Variants in PDE4D observed in about 807,000 individuals in gnomAD.
PDE4D encodes 3',5'-cyclic-AMP phosphodiesterase 4D.
Under a neutral mutation model 87.4 loss-of-function variants are expected in PDE4D, and 24 were observed. That is an observed-to-expected ratio of 0.27 (90% CI 0.20 to 0.39). The LOEUF (loss-of-function observed/expected upper bound fraction) is 0.39, where lower values mean the gene tolerates loss of function less well. Ranked by LOEUF, PDE4D falls within the 10% of genes least tolerant of loss-of-function variation. The probability of loss-of-function intolerance (pLI) is 1.00; values close to 1 mark genes in which losing one functional copy is unlikely to be tolerated. For synonymous variants in PDE4D, 384 were observed against 383.2 expected (o/e 1.00, Z -0.02); for missense variants, 714 against 1,041.0 (o/e 0.69, Z 4.32).
At chr5:59,509,652 T>G (rs1478315902) in intron 1 of PDE4D, among the ~76,000 whole-genome samples, 4 of 151,022 alleles carry the variant, frequency 2.6e-5, no homozygotes, top group African/African-American at 9.7e-5. Context: ...TTAGGGTTAT[T>G]ATTAAAATAA....
chr5:59,979,486 C>T (rs551875064), intron 3 of PDE4D, among the ~76,000 whole-genome samples: 6 of 148,996 alleles, frequency 4.0e-5, no homozygotes, highest in African/African-American at 1.2e-4. Flanking sequence ...TTAGGAATTA[C>T]GTCATGGTAA....
At chr5:59,911,561 C>G (rs1370685321) in intron 3 of PDE4D, among the ~76,000 whole-genome samples, 2 of 152,258 alleles carry the variant, frequency 1.3e-5, no homozygotes, top group African/African-American at 4.8e-5. Flanking sequence ...GCAGGCTCTG[C>G]GTGAATTAAA....
At chr5:59,639,924 G>C (rs1741280294) in intron 1 of PDE4D, among the ~76,000 whole-genome samples, 1 of 148,452 alleles carries the variant, frequency 6.7e-6, no homozygotes, top group African/African-American at 2.5e-5. Flanking sequence ...ATGTACATTT[G>C]ATGTAACAGT....
At chr5:58,978,726 G>A (rs1282321477) in intron 11 of PDE4D, among the ~76,000 whole-genome samples, 3 of 152,030 alleles carry the variant, frequency 2.0e-5, no homozygotes, top group Non-Finnish European at 4.4e-5. Flanking sequence ...TAGGGAGTAG[G>A]TTTGTACAGT....
At chr5:59,374,686 C>T (rs778133268) in intron 1 of PDE4D, among the ~76,000 whole-genome samples, 5 of 152,172 alleles carry the variant, frequency 3.3e-5, no homozygotes, top group Admixed American at 3.3e-4. Flanking sequence ...TGATAGATAT[C>T]TACAGAAGTC....
intron 1 of PDE4D, among the ~76,000 whole-genome samples, chr5:59,613,005 A>G (rs796849563): frequency 1.3e-5 from 2 of 152,316 alleles, no homozygotes; most frequent in African/African-American, 4.8e-5. Context: ...TGAGCAAAGA[A>G]GTGACCTAAT....
intron 1 of PDE4D, among the ~76,000 whole-genome samples, chr5:59,623,679 C>A (rs938727008): frequency 2.0e-5 from 3 of 152,262 alleles, no homozygotes; most frequent in East Asian, 1.9e-4. Context: ...TACCCACCGC[C>A]TTCTGTACCT....
At chr5:60,329,040 T>C (rs1562329080) in intron 1 of PDE4D, among the ~76,000 whole-genome samples, 1 of 152,234 alleles carries the variant, frequency 6.6e-6, no homozygotes, top group South Asian at 2.1e-4. Flanking sequence ...TCTCTCTTTG[T>C]TCAACCAAGT....
At chr5:60,342,412 C>T (rs1171165871) in intron 1 of PDE4D, among the ~76,000 whole-genome samples, 2 of 152,154 alleles carry the variant, frequency 1.3e-5, no homozygotes, top group African/African-American at 4.8e-5. Flanking sequence ...AGGTTTATAA[C>T]CTCTGCGTCA....
intron 1 of PDE4D, among the ~76,000 whole-genome samples, chr5:59,642,387 G>A (rs1278078385): frequency 1.3e-5 from 2 of 151,730 alleles, no homozygotes; most frequent in South Asian, 2.1e-4. Flanking sequence ...ACACTGATAC[G>A]GTTTGACTCT....
At chr5:59,648,020 A>G (rs1173373933) in intron 1 of PDE4D, among the ~76,000 whole-genome samples, 1 of 152,208 alleles carries the variant, frequency 6.6e-6, no homozygotes, top group African/African-American at 2.4e-5. Context: ...GTGATTATGT[A>G]TATATCCAGA....
At chr5:59,153,391 G>A (rs775533169) in intron 5 of PDE4D, among the ~76,000 whole-genome samples, 2 of 152,134 alleles carry the variant, frequency 1.3e-5, no homozygotes, top group African/African-American at 4.8e-5. Context: ...TATAGCAATG[G>A]TATCGCTTCT....
intron 2 of PDE4D, among the ~76,000 whole-genome samples, chr5:60,053,435 T>C (rs1340418663): frequency 6.6e-6 from 1 of 152,058 alleles, no homozygotes; most frequent in Non-Finnish European, 1.5e-5. Flanking sequence ...AAACAAGCAA[T>C]GGGGAAAGGA....
intron 1 of PDE4D, among the ~76,000 whole-genome samples, chr5:59,668,729 G>T (rs1266489630): frequency 3.0e-5 from 3 of 98,862 alleles, no homozygotes. Context: ...AAAAGAAGAA[G>T]AAGAAGAAAG....
intron 4 of PDE4D, among the ~76,000 whole-genome samples, chr5:59,184,825 G>C (rs1414112619): frequency 6.6e-6 from 1 of 152,062 alleles, no homozygotes; most frequent in East Asian, 1.9e-4. Context: ...TCGTTGTCTT[G>C]AGAGGATGAC....
chr5:59,508,541 T>TA (rs1318772901), intron 1 of PDE4D, among the ~76,000 whole-genome samples: 3 of 151,436 alleles, frequency 2.0e-5, no homozygotes, highest in East Asian at 1.9e-4. Context: ...CTCACATATG[T>TA]AAAAAAATAT....
chr5:59,512,029 T>C (rs1166995930), intron 1 of PDE4D, among the ~76,000 whole-genome samples: 1 of 152,090 alleles, frequency 6.6e-6, no homozygotes, highest in Non-Finnish European at 1.5e-5. Context: ...ATAACACAGG[T>C]GTGGATGTCT....
At chr5:59,236,690 G>C (rs1008451291) in intron 1 of PDE4D, among the ~76,000 whole-genome samples, 1 of 151,998 alleles carries the variant, frequency 6.6e-6, no homozygotes, top group Non-Finnish European at 1.5e-5. Context: ...CACCTTCCTT[G>C]GTGGTGTCCC....
chr5:59,781,190 C>T (rs540406185), intron 1 of PDE4D, among the ~76,000 whole-genome samples: 110 of 129,934 alleles, frequency 8.5e-4, no homozygotes, highest in African/African-American at 3.0e-3. Flanking sequence ...AAAAAAAAGA[C>T]GGTGATAGAA....
Sources: allele counts gnomAD v4.1 joint callset (sites outside exome capture counted in the v4.1 genomes callset), GRCh38; gene constraint gnomAD v4.1.1; transcripts MANE v1.5; gene names NCBI Gene and HGNC (gene_info 2026-07-23, HGNC 2026-07-21).